The following ZNF407 variants were observed in gnomAD, a reference collection of about 807,000 sequenced individuals.
ZNF407 encodes zinc finger protein 407.
Under a neutral mutation model 131.2 loss-of-function variants are expected in ZNF407, and 17 were observed. The ratio of observed to expected loss-of-function variants is 0.13; its 90% CI spans 0.09 to 0.19. The LOEUF is 0.19. Ranked by LOEUF, ZNF407 falls within the 10% of genes least tolerant of loss-of-function variation. ZNF407 has a pLI of 1.00. For synonymous variants in ZNF407, 1,156 were observed against 1,062.0 expected, an observed-to-expected ratio of 1.09 and a Z score of -1.72; for missense variants, 2,681 against 2,830.6, an observed-to-expected ratio of 0.95 and a Z score of 1.20.
At chr18:75,036,072 C>T (rs1052378559) in intron 8 of ZNF407, among the ~76,000 whole-genome samples, 2 of 152,120 alleles carry the variant, frequency 1.3e-5, no homozygotes, top group African/African-American at 4.8e-5. Flanking sequence ...TCTCCCAAAG[C>T]AGTTGAATGC....
At chr18:74,880,384 A>G (rs756577260) in intron 5 of ZNF407, among the ~76,000 whole-genome samples, 1 of 152,224 alleles carries the variant, frequency 6.6e-6, no homozygotes, top group Non-Finnish European at 1.5e-5. Flanking sequence ...AATAGTATGA[A>G]TTTTTGTACA....
chr18:74,888,568 G>A (rs1971342771), intron 6 of ZNF407, among the ~76,000 whole-genome samples: 1 of 152,096 alleles, frequency 6.6e-6, no homozygotes, highest in African/African-American at 2.4e-5. Flanking sequence ...TTTGATAAAA[G>A]TTACACTTCA....
chr18:74,869,874 T>G (rs561796790), intron 4 of ZNF407, among the ~76,000 whole-genome samples: 1 of 152,362 alleles, frequency 6.6e-6, no homozygotes, highest in South Asian at 2.1e-4. Context: ...CACAGTTTCC[T>G]AACCCCGATC....
At chr18:75,007,446 C>T (rs1441028764) in intron 8 of ZNF407, among the ~76,000 whole-genome samples, 3 of 152,294 alleles carry the variant, frequency 2.0e-5, no homozygotes, top group Middle Eastern at 6.8e-3. Flanking sequence ...CTAGTCCTCA[C>T]GACCCTTTTG....
chr18:74,694,438 C>CT (rs763330275), intron 3 of ZNF407, among the ~76,000 whole-genome samples: 153 of 147,526 alleles, frequency 1.0e-3, no homozygotes, highest in Middle Eastern at 3.5e-3. Context: ...TTTTTTTCTT[C>CT]TTTTTTTCTT....
Position 74,635,144 on chromosome 18 carries a change from T to C in ZNF407, c.4125T>C (p.Ser1375=), listed in dbSNP as rs755581400. 2.5e-6 allele frequency: 4 copies of C among 1,613,928 alleles called. No homozygotes were observed. In the East Asian group the frequency reaches 8.9e-5, roughly 36 times the overall value. The change falls in exon 2 of 9, where the codon TCT becomes TCC. Residue 1375 remains serine (S), a synonymous_variant. Transcript: ENST00000299687. The surrounding 1 kb of genome is among the most constrained non-coding windows in gnomAD (Gnocchi z 4.7). ...NPEDGELIDQ[S]EEGLIATGVR... is the part of the protein sequence containing the mutation. ...AAGATGGTGAGTTGATAGACCAGTCTGAAGAGGGCTTGATAGCAACGGGAG... is the reference window on the plus strand; with the variant it reads ...AAGATGGTGAGTTGATAGACCAGTCCGAAGAGGGCTTGATAGCAACGGGAG...
At chr18:74,828,346 A>G (rs1309693387) in intron 4 of ZNF407, among the ~76,000 whole-genome samples, 1 of 152,132 alleles carries the variant, frequency 6.6e-6, no homozygotes, top group Non-Finnish European at 1.5e-5. Flanking sequence ...GCTGCCTTTC[A>G]CTGCCGGGCT....
intron 8 of ZNF407, among the ~76,000 whole-genome samples, chr18:75,040,424 A>G (rs1973359631): frequency 6.6e-6 from 1 of 152,226 alleles, no homozygotes; most frequent in African/African-American, 2.4e-5. Context: ...TCTGTGTTCA[A>G]AATGGGGTGG....
At chr18:74,988,898 A>G (rs1253515997) in intron 8 of ZNF407, among the ~76,000 whole-genome samples, 3 of 152,204 alleles carry the variant, frequency 2.0e-5, no homozygotes, top group Non-Finnish European at 2.9e-5. Context: ...CAGCCACTTT[A>G]CAAAACAGTT....
chr18:74,811,088 A>G (rs1468861091), intron 4 of ZNF407, among the ~76,000 whole-genome samples: 3 of 152,230 alleles, frequency 2.0e-5, no homozygotes, highest in East Asian at 1.9e-4. Context: ...TGAACAGGCA[A>G]CCTACAAAAT....
intron 3 of ZNF407, among the ~76,000 whole-genome samples, chr18:74,662,876 A>G (rs1363144109): frequency 6.6e-6 from 1 of 152,228 alleles, no homozygotes; most frequent in Non-Finnish European, 1.5e-5. Context: ...CTTTACATAG[A>G]TGTCTGCATG....
chr18:75,030,874 T>C (rs1973231834), intron 8 of ZNF407, among the ~76,000 whole-genome samples: 1 of 152,212 alleles, frequency 6.6e-6, no homozygotes, highest in African/African-American at 2.4e-5. Flanking sequence ...TTCCCAAACG[T>C]GACAACTCAC....
chr18:74,774,291 G>A (rs185232087), intron 3 of ZNF407, among the ~76,000 whole-genome samples: 14 of 152,270 alleles, frequency 9.2e-5, no homozygotes, highest in African/African-American at 3.4e-4. Context: ...TTGGTATTTT[G>A]TAGCCTTCAG....
intron 4 of ZNF407, among the ~76,000 whole-genome samples, chr18:74,839,437 A>G (rs765622411): frequency 9.9e-5 from 15 of 152,238 alleles, no homozygotes; most frequent in Non-Finnish European, 1.8e-4. Flanking sequence ...TGCAGTTTAC[A>G]TGCAGAATTT....
At chr18:74,661,027 T>G (rs185088893) in intron 3 of ZNF407, among the ~76,000 whole-genome samples, 20 of 152,286 alleles carry the variant, frequency 1.3e-4, no homozygotes, top group Admixed American at 3.3e-4. Context: ...CACCTGAAAA[T>G]CCAGTATCTA....
chr18:74,876,209 G>A (rs773708351), intron 4 of ZNF407, among the ~76,000 whole-genome samples: 5 of 152,170 alleles, frequency 3.3e-5, no homozygotes, highest in Non-Finnish European at 7.3e-5. Context: ...TAAAATTTAT[G>A]ATAGCCAACC....
chr18:74,757,394 TTTC>T (rs1283175180), intron 3 of ZNF407, among the ~76,000 whole-genome samples: 1 of 152,118 alleles, frequency 6.6e-6, no homozygotes, highest in African/African-American at 2.4e-5. Context: ...TATTTTGTGA[TTTC>T]TTCTTTGACC....
At chr18:75,006,066 A>G (rs1306269884) in intron 8 of ZNF407, among the ~76,000 whole-genome samples, 13 of 152,182 alleles carry the variant, frequency 8.5e-5, no homozygotes, top group South Asian at 2.1e-4. Flanking sequence ...GGCATGTCGG[A>G]TGAACGGACC....
chr18:75,049,098 T>TGGTGGGGGG (rs1973468231), intron 8 of ZNF407, among the ~76,000 whole-genome samples: 1 of 39,628 alleles, frequency 2.5e-5, no homozygotes, highest in African/African-American at 1.1e-4. Flanking sequence ...TTTTTTTTTT[T>TGGTGGGGGG]GGGTGGGGGG....
Sources: allele counts gnomAD v4.1 joint callset (sites outside exome capture counted in the v4.1 genomes callset), GRCh38; gene constraint gnomAD v4.1.1; non-coding constraint Gnocchi (gnomAD v3.1); transcripts MANE v1.5; gene names NCBI Gene and HGNC (gene_info 2026-07-23, HGNC 2026-07-21).